FCHO2: variants seen among roughly 807,000 people sequenced by gnomAD.
The protein encoded by FCHO2 is FCH and mu domain containing endocytic adaptor 2.
Under a neutral mutation model 114.1 loss-of-function variants are expected in FCHO2, and 43 were observed. That is an observed-to-expected ratio of 0.38 (90% CI 0.30 to 0.49). The LOEUF is 0.49. Among genes scored for constraint, FCHO2 ranks in the 20% least tolerant of loss-of-function variants. FCHO2 has a pLI of 0.97. For synonymous variants in FCHO2, 293 were observed against 315.2 expected (o/e 0.93, Z 0.75); for missense variants, 807 against 950.4 (o/e 0.85, Z 1.98).
chr5:73,015,607 C>T lies in FCHO2; in HGVS notation c.601-19C>T. 1 of 1,398,546 alleles carries T rather than the reference C, an allele frequency of 7.2e-7. No individual in the cohort carries two copies. The highest frequency in any genetic ancestry group is 2.1e-5 in the Admixed American group (1 of 46,844). The allele number at this position is 1,398,546 out of a possible 1,614,324, so 86.6% of individuals were successfully genotyped here. ...ACCTGTATATGTTATAAATCTATAA[C>T]TTTGTATATGTTACCCAGAAATTTC... On this transcript the variant is annotated intron_variant, in intron 6 of 25. Coordinates refer to ENST00000430046, the MANE Select transcript of FCHO2 (RefSeq NM_138782.3).
intron 21 of FCHO2, 110 bp downstream of exon 21, chr5:73,077,603 G>T: frequency 8.4e-7 from 1 of 1,194,918 alleles, no homozygotes; most frequent in Non-Finnish European, 1.1e-6. Flanking sequence ...GCTGAGGCAG[G>T]TGGATTGCTT....
At chr5:73,084,323 C>T (rs1208632714) in intron 24 of FCHO2, among the ~76,000 whole-genome samples, 7 of 152,126 alleles carry the variant, frequency 4.6e-5, no homozygotes, top group African/African-American at 7.2e-5. Context: ...TGGAGTGCAG[C>T]GGCATGATCT....
chr5:73,081,151 A>T (rs1289800050), intron 22 of FCHO2, among the ~76,000 whole-genome samples: 2 of 152,200 alleles, frequency 1.3e-5, no homozygotes, highest in African/African-American at 4.8e-5. Context: ...AATGAGTGGT[A>T]TGGAAAAAAG....
rs139735705 is a variant in FCHO2, at chr5:73,058,982, A to T, written c.1345+458A>T. On this transcript the variant is annotated intron_variant, in intron 17 of 25. Transcript: ENST00000430046. ...ATTTATGGCTTACAAGATGATGTCC[A>T]TGATACTTATTGCCAAACTGCTTTC... 2.0e-5 allele frequency among the ~76,000 whole-genome samples: 3 copies of T among 152,300 alleles called. No individual in the cohort carries two copies. In the East Asian group the frequency reaches 5.8e-4, roughly 29 times the overall value.
chr5:73,067,497 G>A (rs1467978925), intron 18 of FCHO2, among the ~76,000 whole-genome samples: 1 of 151,872 alleles, frequency 6.6e-6, no homozygotes, highest in Non-Finnish European at 1.5e-5. Context: ...AATGGGTAGG[G>A]GGTTACAAAT....
At chr5:73,013,507 C>T (rs1346429378) in intron 6 of FCHO2, among the ~76,000 whole-genome samples, 1 of 152,112 alleles carries the variant, frequency 6.6e-6, no homozygotes, top group East Asian at 1.9e-4. Context: ...AAATGGGTAG[C>T]TCAGCATTTC....
chr5:72,959,538 A>C (rs1751737885), intron 1 of FCHO2, among the ~76,000 whole-genome samples: 1 of 152,220 alleles, frequency 6.6e-6, no homozygotes, highest in Non-Finnish European at 1.5e-5. Context: ...CACATATTTC[A>C]GGATCATTTA....
chr5:73,058,973 A>T (rs1186056579), intron 17 of FCHO2, among the ~76,000 whole-genome samples: 1 of 152,188 alleles, frequency 6.6e-6, no homozygotes, highest in Non-Finnish European at 1.5e-5. Flanking sequence ...GGCTTACAAG[A>T]TGATGTCCAT....
In FCHO2 at chr5:73,037,195, G is replaced by C. The variant is rs1337615317; in HGVS notation, c.894G>C (p.Lys298Asn). 1 of 1,596,078 alleles carries C rather than the reference G, an allele frequency of 6.3e-7. No individual in the cohort carries two copies. Among genetic ancestry groups the C allele is most frequent in the Non-Finnish European group, 8.5e-7 (1 of 1,172,010 alleles). The change falls in exon 10 of 26, where the codon AAG (lysine) becomes AAC (asparagine). Residue 298 changes from lysine (K) to asparagine (N), a missense_variant. By Grantham distance (94) the Lys-to-Asn change is moderately conservative. Coordinates refer to ENST00000430046, the MANE Select transcript of FCHO2 (RefSeq NM_138782.3). ...KTFALPGIIK[K>N]EKDAESVECP... ...TTGCTTTGCCAGGAATCATTAAAAAGGAAAAAGATGCAGAATCTGTGTAAG... is the reference window on the plus strand; with the variant it reads ...TTGCTTTGCCAGGAATCATTAAAAACGAAAAAGATGCAGAATCTGTGTAAG...
chr5:73,027,666 C>G (rs992512366), intron 8 of FCHO2, among the ~76,000 whole-genome samples: 3 of 151,794 alleles, frequency 2.0e-5, no homozygotes, highest in African/African-American at 2.4e-5. Flanking sequence ...AAATAAATAG[C>G]CATTAATCCA....
At chr5:73,040,949 C>T (rs1346876477) in intron 10 of FCHO2, among the ~76,000 whole-genome samples, 1 of 152,032 alleles carries the variant, frequency 6.6e-6, no homozygotes, top group Non-Finnish European at 1.5e-5. Context: ...GTAGGACTGA[C>T]AGCTTTCTTG....
At chr5:72,971,317 A>G (rs1009561082) in intron 2 of FCHO2, among the ~76,000 whole-genome samples, 3 of 151,336 alleles carry the variant, frequency 2.0e-5, no homozygotes, top group African/African-American at 7.2e-5. Flanking sequence ...AGTCCCACCA[A>G]CAGTGTAAAA....
In FCHO2 at chr5:73,087,847, GAC is replaced by G; in HGVS notation, c.2410+96_2410+97del. 9 of 1,497,390 alleles carry G rather than the reference GAC, an allele frequency of 6.0e-6. No individual in the cohort carries two copies. The South Asian group carries it at 1.1e-4, about 18-fold the overall frequency. The allele number at this position is 1,497,390 out of a possible 1,614,324, so 92.8% of individuals were successfully genotyped here. On this transcript the variant is annotated intron_variant, in intron 25 of 25. Coordinates refer to ENST00000430046, the MANE Select transcript of FCHO2 (RefSeq NM_138782.3). ...ACTGTCAAGCAATTTATAATCTAAA[GAC>G]ATGGAAATTTTTTCTTTAACCCTTG...
chr5:73,001,117 T>G (rs1439373353), intron 5 of FCHO2, among the ~76,000 whole-genome samples: 1 of 151,928 alleles, frequency 6.6e-6, no homozygotes, highest in Non-Finnish European at 1.5e-5. Flanking sequence ...ATGTTTCTGG[T>G]GGGGCATGGT....
rs151090430 is a variant in FCHO2 at position 73,026,554 on chromosome 5, A to G, written c.797-8103A>G. ...CAATTTTATTTTTAGTCAGTTATCT[A>G]TTGAAAGATACAACCTGTCAGTTTG... is the stretch of plus-strand genomic sequence containing the variant. On this transcript the variant is annotated intron_variant, in intron 8 of 25. Transcript: ENST00000430046. Among the ~76,000 whole-genome samples the G allele has an allele frequency of 2.0e-3, 297 of 152,270 alleles. 2 individuals carry two copies. The highest frequency in any genetic ancestry group is 2.9e-3 in the Admixed American group (45 of 15,292).
At chr5:72,999,627 C>T (rs1237373057) in intron 5 of FCHO2, among the ~76,000 whole-genome samples, 1 of 152,060 alleles carries the variant, frequency 6.6e-6, no homozygotes, top group Non-Finnish European at 1.5e-5. Context: ...AGGTGATATG[C>T]CCGTCTCAGC....
chr5:73,061,902 GTGC>G lies in FCHO2; in HGVS notation c.1346-1931_1346-1929del, dbSNP rs1410526189. Among the ~76,000 whole-genome samples the G allele has an allele frequency of 4.6e-5, 7 of 152,204 alleles. No individual in the cohort carries two copies. The East Asian group carries it at 7.7e-4, about 17-fold the overall frequency. ...AATGTACCTGCAGAAGCAGCTAACA[GTGC>G]TGCTGCTATTTCTTCTACATCATCA... On this transcript the variant is annotated intron_variant, in intron 17 of 25. Transcript: ENST00000430046.
In FCHO2 at chr5:72,990,839, G is replaced by GAGCT; in HGVS notation, c.472_475dup (p.Thr159SerfsTer12). On this transcript the variant is annotated frameshift_variant, in exon 5 of 26. Transcript: ENST00000430046. LOFTEE classifies it high-confidence loss of function. ...GAACAGGAGCGTTTGAAAAAGGAAG[G>GAGCT]AGCTACACAAAGAGAAATAGAAAAG... 6.5e-7 allele frequency: 1 copy of GAGCT among 1,546,196 alleles called. No homozygotes were observed. Among genetic ancestry groups the GAGCT allele is most frequent in the South Asian group, 1.2e-5 (1 of 82,338 alleles).
chr5:73,014,536 C>T (rs1304607136), intron 6 of FCHO2, among the ~76,000 whole-genome samples: 1 of 152,016 alleles, frequency 6.6e-6, no homozygotes, highest in Non-Finnish European at 1.5e-5. Context: ...GATCTGCCCA[C>T]CTCTGCCTCC....
Sources: gnomAD v4.1 joint callset for allele counts (sites outside exome capture counted in the v4.1 genomes callset) on GRCh38, gnomAD v4.1.1 for gene constraint, MANE v1.5 for transcripts, NCBI Gene and HGNC (gene_info 2026-07-23, HGNC 2026-07-21) for gene names.